The following AK5 variants were observed in gnomAD, a reference collection of about 807,000 sequenced individuals.
AK5 encodes adenylate kinase isoenzyme 5.
In AK5, 27 loss-of-function variants were observed where a neutral mutation model predicts 69.5. That is an observed-to-expected ratio of 0.39 (90% CI 0.29 to 0.54). The LOEUF is 0.54. Ranked by LOEUF, AK5 falls within the 20% of genes least tolerant of loss-of-function variation. The probability of loss-of-function intolerance (pLI) is 0.71; values close to 1 mark genes in which losing one functional copy is unlikely to be tolerated. For synonymous variants in AK5, 260 were observed against 244.4 expected, an observed-to-expected ratio of 1.06 and a Z score of -0.60; for missense variants, 531 against 700.4, an observed-to-expected ratio of 0.76 and a Z score of 2.73.
chr1:77,437,583 T>C (rs1027814962), intron 8 of AK5, among the ~76,000 whole-genome samples: 1 of 152,144 alleles, frequency 6.6e-6, no homozygotes, highest in Non-Finnish European at 1.5e-5. Context: ...GAAACCTCTT[T>C]TTCTCCTTCA....
intron 6 of AK5, among the ~76,000 whole-genome samples, chr1:77,374,297 T>G (rs902440799): frequency 9.2e-5 from 14 of 152,202 alleles, no homozygotes; most frequent in Non-Finnish European, 4.4e-5. Context: ...CCTTACTTGA[T>G]AGCAAAGTGT....
chr1:77,440,177 A>T (rs900355741), intron 8 of AK5, among the ~76,000 whole-genome samples: 5 of 150,548 alleles, frequency 3.3e-5, no homozygotes, highest in African/African-American at 1.2e-4. Context: ...GTGCTTTCAA[A>T]TTTTCTCAGT....
chr1:77,340,887 C>T, intron 6 of AK5: 1 of 211,628 alleles, frequency 4.7e-6, no homozygotes, highest in Non-Finnish European at 9.5e-6. Context: ...TTTGTCCAGT[C>T]TCTCCACTCT....
chr1:77,541,880 G>A (rs2100373347), intron 13 of AK5, among the ~76,000 whole-genome samples: 1 of 152,268 alleles, frequency 6.6e-6, no homozygotes, highest in African/African-American at 2.4e-5. Flanking sequence ...CTTTGCTCAG[G>A]GTCTCCTTGG....
chr1:77,343,272 G>A (rs1661750670), intron 6 of AK5, among the ~76,000 whole-genome samples: 2 of 152,102 alleles, frequency 1.3e-5, no homozygotes, highest in Admixed American at 1.3e-4. Flanking sequence ...GTTCTTAAGG[G>A]CCACAGAGAC....
intron 6 of AK5, among the ~76,000 whole-genome samples, chr1:77,388,490 G>T (rs1648174583): frequency 6.6e-6 from 1 of 152,118 alleles, no homozygotes; most frequent in African/African-American, 2.4e-5. Flanking sequence ...CAGCATTCAG[G>T]TAGTCTTTGC....
At position 77,282,395 on chromosome 1, in the gene AK5, G is replaced by A. The variant is rs1225290411; in HGVS notation, c.60+22G>A. Reference sequence around the variant, plus strand: ...TGAGGTAGGGCTAGAGCTGGCCGACGGGCGGTAGCATCCGGGGACTGCATC... The same window carrying A: ...TGAGGTAGGGCTAGAGCTGGCCGACAGGCGGTAGCATCCGGGGACTGCATC... On this transcript the variant is annotated intron_variant, in intron 1 of 13. Coordinates refer to ENST00000354567, the MANE Select transcript of AK5 (RefSeq NM_174858.3). The A allele has an allele frequency of 3.9e-6, 6 of 1,537,328 alleles. No homozygotes were observed. In the South Asian group the frequency reaches 4.9e-5, roughly 13 times the overall value.
intron 12 of AK5, among the ~76,000 whole-genome samples, chr1:77,534,943 G>A (rs1413857976): frequency 6.6e-6 from 1 of 152,178 alleles, no homozygotes; most frequent in Non-Finnish European, 1.5e-5. Flanking sequence ...GGTTCCTTAT[G>A]CAATTGCACT....
At chr1:77,358,382 A>G (rs1271159690) in intron 6 of AK5, among the ~76,000 whole-genome samples, 1 of 152,102 alleles carries the variant, frequency 6.6e-6, no homozygotes, top group Non-Finnish European at 1.5e-5. Flanking sequence ...AAATTAGAAA[A>G]CACGTGAGAA....
chr1:77,297,700 T>C lies in AK5; in HGVS notation c.557T>C (p.Ile186Thr). The C allele has an allele frequency of 1.2e-6, 2 of 1,613,048 alleles. No homozygotes were observed. Among genetic ancestry groups the C allele is most frequent in the Non-Finnish European group, 8.5e-7 (1 of 1,179,708 alleles). The change falls in exon 4 of 14, where the codon ATA (isoleucine) becomes ACA (threonine). Residue 186 changes from isoleucine to threonine, a missense_variant. Physicochemically the swap from Ile to Thr is moderately conservative, Grantham distance 89. Coordinates refer to ENST00000354567, the MANE Select transcript of AK5 (RefSeq NM_174858.3). ...SNRKWSLIAKIITTGELAPQE... is the reference protein window; with the variant it reads ...SNRKWSLIAKTITTGELAPQE... The stretch of plus-strand genomic sequence containing the variant: ...AGGAAATGGAGTCTTATTGCCAAGA[T>C]AATTACAACTGGAGAATTGGCCCCA...
intron 8 of AK5, among the ~76,000 whole-genome samples, chr1:77,462,505 T>G (rs1179231827): frequency 6.6e-6 from 1 of 152,148 alleles, no homozygotes. Flanking sequence ...TTTAAGCTAT[T>G]TAATATGCTA....
chr1:77,547,271 CTTT>C (rs532879024), intron 13 of AK5, among the ~76,000 whole-genome samples: 5 of 107,430 alleles, frequency 4.7e-5, no homozygotes, highest in Non-Finnish European at 7.2e-5. Context: ...ATAAAGTTCT[CTTT>C]TTTTTTTTTT....
intron 6 of AK5, among the ~76,000 whole-genome samples, chr1:77,396,453 T>A (rs950539303): frequency 6.6e-6 from 1 of 152,234 alleles, no homozygotes; most frequent in Admixed American, 6.5e-5. Flanking sequence ...CTGTAATTAT[T>A]TCTTAAATCA....
intron 8 of AK5, among the ~76,000 whole-genome samples, chr1:77,422,037 T>A (rs571331602): frequency 5.2e-4 from 79 of 152,284 alleles, no homozygotes; most frequent in African/African-American, 1.9e-3. Context: ...CCCCACAAAA[T>A]CTGTTCTTCC....
intron 6 of AK5, among the ~76,000 whole-genome samples, chr1:77,362,993 T>A (rs1646891099): frequency 6.6e-6 from 1 of 152,192 alleles, no homozygotes; most frequent in Non-Finnish European, 1.5e-5. Context: ...TCATTTACCC[T>A]CATGTTTATA....
At chr1:77,553,585 A>G (rs1428320884) in intron 13 of AK5, among the ~76,000 whole-genome samples, 2 of 152,184 alleles carry the variant, frequency 1.3e-5, no homozygotes, top group African/African-American at 2.4e-5. Context: ...CAAAGACAAA[A>G]AATTGGATCA....
intron 6 of AK5, among the ~76,000 whole-genome samples, chr1:77,341,226 G>C (rs1661636762): frequency 6.6e-6 from 1 of 152,168 alleles, no homozygotes; most frequent in African/African-American, 2.4e-5. Context: ...TTAGAATCTA[G>C]AACATTAGAG....
chr1:77,330,458 T>C (rs1661030748), intron 5 of AK5, among the ~76,000 whole-genome samples: 1 of 152,194 alleles, frequency 6.6e-6, no homozygotes, highest in African/African-American at 2.4e-5. Context: ...GTTTTCCATA[T>C]GGACATCCAC....
At chr1:77,365,290 A>G (rs1646931031) in intron 6 of AK5, among the ~76,000 whole-genome samples, 1 of 152,094 alleles carries the variant, frequency 6.6e-6, no homozygotes, top group African/African-American at 2.4e-5. Flanking sequence ...AATAGTTTGC[A>G]AGTATCTTCT....
Sources: allele counts gnomAD v4.1 joint callset (sites outside exome capture counted in the v4.1 genomes callset), GRCh38; gene constraint gnomAD v4.1.1; transcripts MANE v1.5; gene names NCBI Gene and HGNC (gene_info 2026-07-23, HGNC 2026-07-21).